The following ATF6 variants were observed in gnomAD, a reference collection of about 807,000 sequenced individuals.
ATF6 encodes the protein activating transcription factor 6, also known as cyclic AMP-dependent transcription factor ATF-6 alpha.
A neutral mutation model predicts 83.6 loss-of-function variants in ATF6; 53 were observed. The ratio of observed to expected loss-of-function variants is 0.63; its 90% CI spans 0.51 to 0.80. The LOEUF (loss-of-function observed/expected upper bound fraction) is 0.80. Among genes scored for constraint, ATF6 ranks in the 30% least tolerant of loss-of-function variants. The probability of loss-of-function intolerance (pLI) is 0.00; values close to 1 mark genes in which losing one functional copy is unlikely to be tolerated. For missense variants in ATF6, 744 were observed against 797.9 expected, an observed-to-expected ratio of 0.93 and a Z score of 0.81; for synonymous variants, 288 against 285.8, an observed-to-expected ratio of 1.01 and a Z score of -0.08.
At chr1:161,916,097 C>G (rs141309482) in intron 15 of ATF6, among the ~76,000 whole-genome samples, 8 of 152,174 alleles carry the variant, frequency 5.3e-5, no homozygotes, top group African/African-American at 1.7e-4. Flanking sequence ...TGCCATTTCA[C>G]TTCATGAAAT....
At chr1:161,806,097 T>C (rs1474998262) in intron 7 of ATF6, among the ~76,000 whole-genome samples, 2 of 152,244 alleles carry the variant, frequency 1.3e-5, no homozygotes, top group African/African-American at 2.4e-5. Context: ...TCAAGAAATA[T>C]GGTTTGTTTT....
intron 7 of ATF6, among the ~76,000 whole-genome samples, chr1:161,807,599 A>G (rs1685321329): frequency 6.6e-6 from 1 of 152,218 alleles, no homozygotes; most frequent in African/African-American, 2.4e-5. Context: ...CTTTGCTGCT[A>G]CCAGGGACTC....
chr1:161,932,034 T>C (rs114461997), intron 15 of ATF6, among the ~76,000 whole-genome samples: 2,332 of 152,310 alleles, frequency 0.015, 28 homozygotes, highest in Middle Eastern at 0.027. Context: ...ACCAACATTT[T>C]TTTTGGTTGT....
At chr1:161,949,561 G>A (rs1212395541) in intron 15 of ATF6, among the ~76,000 whole-genome samples, 5 of 152,208 alleles carry the variant, frequency 3.3e-5, no homozygotes, top group African/African-American at 4.8e-5. Flanking sequence ...TTAGCTCACG[G>A]TTCTGCAGGC....
At chr1:161,900,323 T>A (rs576050399) in intron 14 of ATF6, among the ~76,000 whole-genome samples, 2 of 152,276 alleles carry the variant, frequency 1.3e-5, no homozygotes, top group East Asian at 3.9e-4. Context: ...GCTTAAAGAA[T>A]TTATGGACGA....
At chr1:161,942,073 A>G (rs949507028) in intron 15 of ATF6, among the ~76,000 whole-genome samples, 3 of 152,156 alleles carry the variant, frequency 2.0e-5, no homozygotes, top group Non-Finnish European at 2.9e-5. Flanking sequence ...ATTGTTTCCA[A>G]TACAACAGCT....
At chr1:161,925,955 C>T (rs773375853) in intron 15 of ATF6, among the ~76,000 whole-genome samples, 2 of 152,064 alleles carry the variant, frequency 1.3e-5, no homozygotes, top group Non-Finnish European at 2.9e-5. Flanking sequence ...CTAAAGTGCA[C>T]ATGGATCAAG....
chr1:161,796,525 A>C (rs1685025621), intron 6 of ATF6, among the ~76,000 whole-genome samples: 1 of 152,204 alleles, frequency 6.6e-6, no homozygotes, highest in South Asian at 2.1e-4. Flanking sequence ...CCATACTTGA[A>C]GCAAGCATTT....
In ATF6 at chr1:161,766,457, A is replaced by C; in HGVS notation, c.82+15A>C. 6.2e-7 allele frequency: 1 copy of C among 1,611,782 alleles called. No homozygotes were observed. The highest frequency in any genetic ancestry group is 1.3e-5 in the African/African-American group (1 of 74,976). On this transcript the variant is annotated intron_variant, in intron 1 of 15. Transcript: ENST00000367942. ...TGAAGATTGGGGTGAGTGGGATCTG[A>C]GAATGTACCAGGGTGGCTCGGGTTC...
At chr1:161,770,379 G>A (rs1248235464) in intron 1 of ATF6, among the ~76,000 whole-genome samples, 1 of 152,164 alleles carries the variant, frequency 6.6e-6, no homozygotes, top group Non-Finnish European at 1.5e-5. Flanking sequence ...CACAGACTGC[G>A]TGGTTTAAAC....
intron 14 of ATF6, among the ~76,000 whole-genome samples, chr1:161,878,138 G>A (rs775917984): frequency 6.6e-6 from 1 of 151,948 alleles, no homozygotes; most frequent in Non-Finnish European, 1.5e-5. Context: ...ATTTGGAGAC[G>A]AGTCTTATTC....
chr1:161,863,393 A>G (rs774737077), intron 14 of ATF6, 81 bp downstream of exon 14: 51 of 913,868 alleles, frequency 5.6e-5, no homozygotes, highest in Non-Finnish European at 8.3e-5. Context: ...ATTGTGGAAA[A>G]TACAAAGATG....
intron 15 of ATF6, among the ~76,000 whole-genome samples, chr1:161,943,633 A>G (rs991701983): frequency 3.9e-5 from 6 of 152,088 alleles, no homozygotes; most frequent in African/African-American, 1.4e-4. Context: ...CAGGGCCTCT[A>G]TACCTGCTCT....
intron 10 of ATF6, among the ~76,000 whole-genome samples, chr1:161,846,975 T>C (rs1396787472): frequency 6.6e-6 from 1 of 152,142 alleles, no homozygotes; most frequent in African/African-American, 2.4e-5. Flanking sequence ...ATTGAACCTA[T>C]TTGCAGTCAT....
chr1:161,826,931 ATTT>A (rs11376981), intron 9 of ATF6, among the ~76,000 whole-genome samples: 3 of 129,602 alleles, frequency 2.3e-5, no homozygotes, highest in Admixed American at 8.3e-5. Context: ...GATTGGCCCC[ATTT>A]TTTTTTTTTT....
At chr1:161,868,434 CT>C (rs1687056507) in intron 14 of ATF6, among the ~76,000 whole-genome samples, 1 of 151,914 alleles carries the variant, frequency 6.6e-6, no homozygotes, top group Non-Finnish European at 1.5e-5. Flanking sequence ...GCATTAAATT[CT>C]TTCTTGTATT....
intron 14 of ATF6, among the ~76,000 whole-genome samples, chr1:161,910,913 A>G (rs145546585): frequency 2.4e-4 from 36 of 152,334 alleles, no homozygotes; most frequent in Non-Finnish European, 4.0e-4. Context: ...TTTTAAAAAC[A>G]TGTTCTCATG....
At chr1:161,766,526 G>C in intron 1 of ATF6, 84 bp downstream of exon 1, 2 of 1,286,154 alleles carry the variant, frequency 1.6e-6, no homozygotes, top group Non-Finnish European at 1.1e-6. Flanking sequence ...CACTCGTGGT[G>C]ACAGGTGTGG....
intron 7 of ATF6, among the ~76,000 whole-genome samples, chr1:161,806,730 C>T (rs1685291552): frequency 6.6e-6 from 1 of 151,912 alleles, no homozygotes; most frequent in Non-Finnish European, 1.5e-5. Flanking sequence ...TTTGGGAGTC[C>T]CTGTCTTGGG....
Sources: gnomAD v4.1 joint callset for allele counts (sites outside exome capture counted in the v4.1 genomes callset) on GRCh38, gnomAD v4.1.1 for gene constraint, MANE v1.5 for transcripts, NCBI Gene and HGNC (gene_info 2026-07-23, HGNC 2026-07-21) for gene names.